B3GALNT2: variants seen among roughly 807,000 people sequenced by gnomAD.
The protein encoded by B3GALNT2 is beta-1,3-N-acetylgalactosaminyltransferase 2.
A neutral mutation model predicts 61.1 loss-of-function variants in B3GALNT2; 53 were observed. The observed-to-expected ratio is 0.87, with a 90% CI of 0.70 to 1.09. B3GALNT2 has a LOEUF of 1.09. Ranked by LOEUF, B3GALNT2 falls within the 50% of genes least tolerant of loss-of-function variation. The pLI is 0.00. For synonymous variants in B3GALNT2, 223 were observed against 237.4 expected (o/e 0.94, Z 0.56); for missense variants, 544 against 623.0 (o/e 0.87, Z 1.35).
intron 6 of B3GALNT2, among the ~76,000 whole-genome samples, chr1:235,469,329 G>A (rs1197223163): frequency 6.6e-6 from 1 of 152,170 alleles, no homozygotes; most frequent in Non-Finnish European, 1.5e-5. Context: ...ACAGGAGATC[G>A]AGGAGAATAA....
At position 235,448,555 on chromosome 1, in the gene B3GALNT2, G is replaced by T. The variant is rs1682639197; in HGVS notation, c.*1651C>A. ...CTAAATGGAGACCATGGGTCTGTTT[G>T]TTTGATTTTAAGGGTAAGCTACTGC... is the stretch of plus-strand genomic sequence containing the variant. On this transcript the variant is annotated 3_prime_UTR_variant, in exon 12 of 12. Coordinates refer to ENST00000366600, the MANE Select transcript of B3GALNT2 (RefSeq NM_152490.5). The T allele has an allele frequency of 1.4e-6, 2 of 1,395,370 alleles. No individual in the cohort carries two copies. Among genetic ancestry groups the T allele is most frequent in the Admixed American group, 3.4e-5 (2 of 59,614 alleles). 86.4% of individuals were successfully genotyped at this position (1,395,370 alleles called of 1,614,324 possible).
intron 3 of B3GALNT2, chr1:235,484,722 C>A: frequency 1.1e-6 from 1 of 888,984 alleles, no homozygotes; most frequent in Non-Finnish European, 1.6e-6. Context: ...TTTTCAGCCA[C>A]ATCTAAGTAA....
intron 2 of B3GALNT2, among the ~76,000 whole-genome samples, chr1:235,492,027 C>T (rs540690114): frequency 1.3e-5 from 2 of 152,288 alleles, no homozygotes; most frequent in South Asian, 4.1e-4. Flanking sequence ...TTTCCTTCTA[C>T]TAAATGTCAA....
chr1:235,489,506 G>A (rs936964716), intron 2 of B3GALNT2, among the ~76,000 whole-genome samples: 4 of 152,162 alleles, frequency 2.6e-5, no homozygotes, highest in African/African-American at 9.7e-5. Context: ...GTATGAATAT[G>A]TCTGGCCTCG....
chr1:235,488,446 G>A (rs773927060), intron 3 of B3GALNT2, among the ~76,000 whole-genome samples: 25 of 151,274 alleles, frequency 1.7e-4, no homozygotes, highest in Non-Finnish European at 3.1e-4. Context: ...CACTTTGGGA[G>A]GCTGAGGCAG....
chr1:235,468,711 G>A (rs934166325), intron 6 of B3GALNT2, among the ~76,000 whole-genome samples: 8 of 137,200 alleles, frequency 5.8e-5, no homozygotes, highest in South Asian at 4.3e-4. Flanking sequence ...TCAGCCTCCC[G>A]AAGTGCTGGG....
chr1:235,465,884 C>A (rs1683671583), intron 6 of B3GALNT2, 170 bp from the exon 7 acceptor site: 1 of 699,392 alleles, frequency 1.4e-6, no homozygotes, highest in Non-Finnish European at 2.3e-6. Flanking sequence ...CGGTATTCTA[C>A]TATTTTTGTT....
chr1:235,498,965 G>GT (rs1241935115), intron 1 of B3GALNT2, among the ~76,000 whole-genome samples: 1 of 149,924 alleles, frequency 6.7e-6, no homozygotes, highest in East Asian at 2.1e-4. Context: ...TTAGAATGGT[G>GT]TAACTTTGTC....
chr1:235,455,227 T>C (rs1558408755), intron 9 of B3GALNT2, among the ~76,000 whole-genome samples: 1 of 152,100 alleles, frequency 6.6e-6, no homozygotes, highest in Non-Finnish European at 1.5e-5. Flanking sequence ...GCTCAAGCAG[T>C]CTCCCTGCCT....
intron 2 of B3GALNT2, among the ~76,000 whole-genome samples, chr1:235,494,353 G>C (rs960869713): frequency 8.6e-5 from 13 of 151,954 alleles, no homozygotes; most frequent in Non-Finnish European, 7.4e-5. Flanking sequence ...TTTACTTTTT[G>C]GCCCAAACTA....
chr1:235,496,426 T>C, intron 1 of B3GALNT2: 1 of 618,878 alleles, frequency 1.6e-6, no homozygotes, highest in Non-Finnish European at 2.1e-6. Context: ...TTTAAATAAA[T>C]TCAAATTTTC....
intron 1 of B3GALNT2, among the ~76,000 whole-genome samples, chr1:235,495,372 G>A (rs536624767): frequency 6.6e-6 from 1 of 152,158 alleles, no homozygotes; most frequent in Non-Finnish European, 1.5e-5. Context: ...TTTGAAAAGT[G>A]AGGTCCTACA....
chr1:235,504,324 C>G lies in B3GALNT2; in HGVS notation c.-72G>C, dbSNP rs1262863898. 2 of 1,435,328 alleles carry G rather than the reference C, an allele frequency of 1.4e-6. No homozygotes were observed. The highest frequency in any genetic ancestry group is 3.0e-5 in the African/African-American group (2 of 66,734). 88.9% of individuals were successfully genotyped at this position (1,435,328 alleles called of 1,614,324 possible). A position where few individuals can be genotyped will look rare whatever the true frequency, so the allele number is the denominator to read the frequency against. The stretch of plus-strand genomic sequence containing the variant: ...GGGAGGGGACCTGCAAGTGCGGAGA[C>G]TGAGGGGCGGCGGCTGACGAGCGAC... On this transcript the variant is annotated 5_prime_UTR_variant, in exon 1 of 12. Transcript: ENST00000366600.
At chr1:235,442,521 T>C (rs1010797797), downstream of B3GALNT2, among the ~76,000 whole-genome samples, 1 of 152,206 alleles carries the variant, frequency 6.6e-6, no homozygotes, top group South Asian at 2.1e-4. Flanking sequence ...TTTTTGTAAC[T>C]CCTATGTTTT....
rs929769647 is a variant in B3GALNT2, at chr1:235,459,343, T to A, written c.842-557A>T. Among the ~76,000 whole-genome samples, 8 of 152,330 alleles carry A rather than the reference T, an allele frequency of 5.3e-5. No homozygotes were observed. In the East Asian group the frequency reaches 7.7e-4, roughly 15 times the overall value. On this transcript the variant is annotated intron_variant, in intron 7 of 11. Coordinates refer to ENST00000366600, the MANE Select transcript of B3GALNT2 (RefSeq NM_152490.5). The stretch of plus-strand genomic sequence containing the variant: ...AAAACTATGTTATTTAAAGACATGG[T>A]CAGGCGTGGTGGCTTATGCCTGTAA...
At chr1:235,478,328 G>A (rs1034590478) in intron 5 of B3GALNT2, among the ~76,000 whole-genome samples, 4 of 152,152 alleles carry the variant, frequency 2.6e-5, no homozygotes, top group African/African-American at 4.8e-5. Context: ...TGGGATTACA[G>A]GTGTGAGCCA....
At chr1:235,475,438 G>T (rs61836206) in intron 5 of B3GALNT2, among the ~76,000 whole-genome samples, 1 of 151,510 alleles carries the variant, frequency 6.6e-6, no homozygotes, top group Non-Finnish European at 1.5e-5. Context: ...GCTATACTGG[G>T]GACATGTGAC....
At chr1:235,457,114 AT>A (rs1683201182) in intron 8 of B3GALNT2, among the ~76,000 whole-genome samples, 11 of 25,694 alleles carry the variant, frequency 4.3e-4, no homozygotes, top group East Asian at 1.4e-3. Context: ...CTATTAAAAA[AT>A]AAATAAATAA....
chr1:235,453,069 A>G, intron 11 of B3GALNT2, 21 bp downstream of exon 11: 1 of 1,596,450 alleles, frequency 6.3e-7, no homozygotes, highest in Non-Finnish European at 8.6e-7. Context: ...AAGAACCCTG[A>G]GGCCATCCCC....
Sources: gnomAD v4.1 joint callset for allele counts (sites outside exome capture counted in the v4.1 genomes callset) on GRCh38, gnomAD v4.1.1 for gene constraint, MANE v1.5 for transcripts, NCBI Gene and HGNC (gene_info 2026-07-23, HGNC 2026-07-21) for gene names.